PARD3B: variants seen among roughly 807,000 people sequenced by gnomAD.
The protein encoded by PARD3B is partitioning defective 3 homolog B.
In PARD3B, 103 loss-of-function variants were observed where a neutral mutation model predicts 130.2. That is an observed-to-expected ratio of 0.79 (90% CI 0.67 to 0.93). PARD3B has a LOEUF of 0.93. Among genes scored for constraint, PARD3B ranks in the 40% least tolerant of loss-of-function variants. The probability of loss-of-function intolerance (pLI) is 0.00; values close to 1 mark genes in which losing one functional copy is unlikely to be tolerated. For synonymous variants in PARD3B, 583 were observed against 553.2 expected (o/e 1.05, Z -0.76); for missense variants, 1,609 against 1,499.2 (o/e 1.07, Z -1.21).
chr2:204,754,799 A>G (rs1012400561), intron 2 of PARD3B, among the ~76,000 whole-genome samples: 1 of 152,152 alleles, frequency 6.6e-6, no homozygotes, highest in African/African-American at 2.4e-5. Flanking sequence ...TTATGAGGCC[A>G]AATAAGCTTC....
chr2:204,565,785 A>G (rs1025270311), intron 1 of PARD3B, among the ~76,000 whole-genome samples: 1 of 152,208 alleles, frequency 6.6e-6, no homozygotes, highest in African/African-American at 2.4e-5. Flanking sequence ...AAAATGGTGC[A>G]CCATAAAAAA....
intron 19 of PARD3B, among the ~76,000 whole-genome samples, chr2:205,416,090 G>A (rs2046765683): frequency 6.6e-6 from 1 of 152,034 alleles, no homozygotes; most frequent in South Asian, 2.1e-4. Context: ...TAGACTAGCT[G>A]AGGAGTAGGG....
chr2:205,246,172 C>A (rs1387863826), intron 16 of PARD3B, among the ~76,000 whole-genome samples: 1 of 151,426 alleles, frequency 6.6e-6, no homozygotes, highest in Non-Finnish European at 1.5e-5. Flanking sequence ...AGTGGCGGGA[C>A]AGAGAATTCC....
At position 205,616,643 on chromosome 2, in the gene PARD3B, T is replaced by TA. The variant is rs2055446710; in HGVS notation, c.*831dup. 1.3e-5 allele frequency: 2 copies of TA among 152,304 alleles called. No homozygotes were observed. The highest frequency in any genetic ancestry group is 3.9e-4 in the East Asian group (2 of 5,170). 9.4% of individuals were successfully genotyped at this position (152,304 alleles called of 1,614,324 possible). A position where few individuals can be genotyped will look rare whatever the true frequency, so the allele number is the denominator to read the frequency against. On this transcript the variant is annotated 3_prime_UTR_variant, in exon 23 of 23. Transcript: ENST00000406610. ...CCCTCCCACATTCCAGGCATGGAGA[T>TA]ATCTGGTTTCAGAGTCAGCCCCAAA...
intron 22 of PARD3B, among the ~76,000 whole-genome samples, chr2:205,569,805 T>C (rs2053496547): frequency 6.6e-6 from 1 of 152,160 alleles, no homozygotes; most frequent in Non-Finnish European, 1.5e-5. Flanking sequence ...GATCATCCAA[T>C]TGGGCTTTTT....
chr2:204,694,621 G>T (rs569111058), intron 2 of PARD3B, among the ~76,000 whole-genome samples: 1 of 152,004 alleles, frequency 6.6e-6, no homozygotes, highest in Non-Finnish European at 1.5e-5. Context: ...CAGTTTGTGG[G>T]CATGTTTCAA....
At chr2:204,965,885 A>G (rs1157514687) in intron 3 of PARD3B, among the ~76,000 whole-genome samples, 1 of 152,242 alleles carries the variant, frequency 6.6e-6, no homozygotes, top group Non-Finnish European at 1.5e-5. Context: ...AGTTTCAATC[A>G]GTTTACAACT....
chr2:204,948,929 A>G (rs1412312246), intron 2 of PARD3B, among the ~76,000 whole-genome samples: 2 of 152,208 alleles, frequency 1.3e-5, no homozygotes, highest in African/African-American at 4.8e-5. Context: ...TTATAGGACT[A>G]GAGACTTTAT....
At chr2:205,032,801 T>G (rs1488387956) in intron 3 of PARD3B, among the ~76,000 whole-genome samples, 1 of 152,180 alleles carries the variant, frequency 6.6e-6, no homozygotes, top group East Asian at 1.9e-4. Flanking sequence ...TTTTTTCCAG[T>G]CTTGCCAGGA....
At chr2:204,830,658 A>G (rs1000989383) in intron 2 of PARD3B, among the ~76,000 whole-genome samples, 2 of 152,218 alleles carry the variant, frequency 1.3e-5, no homozygotes, top group African/African-American at 2.4e-5. Context: ...TGTTTCCTTC[A>G]AAGGGAAAGA....
chr2:205,239,417 A>G (rs541169407), intron 15 of PARD3B, among the ~76,000 whole-genome samples: 1 of 152,326 alleles, frequency 6.6e-6, no homozygotes, highest in South Asian at 2.1e-4. Context: ...ATTTTATTCT[A>G]ACAAATATGT....
At chr2:204,935,335 C>A (rs1176178429) in intron 2 of PARD3B, among the ~76,000 whole-genome samples, 1 of 148,430 alleles carries the variant, frequency 6.7e-6, no homozygotes, top group Non-Finnish European at 1.5e-5. Context: ...CAAGACCATC[C>A]TGGCTAACAC....
At chr2:205,560,782 G>A (rs2053103488) in intron 22 of PARD3B, among the ~76,000 whole-genome samples, 1 of 152,210 alleles carries the variant, frequency 6.6e-6, no homozygotes, top group Non-Finnish European at 1.5e-5. Flanking sequence ...GCTGCGCAAT[G>A]GGAAGCAATA....
chr2:205,314,409 G>A (rs1351217919), intron 18 of PARD3B, among the ~76,000 whole-genome samples: 2 of 152,124 alleles, frequency 1.3e-5, no homozygotes, highest in East Asian at 1.9e-4. Context: ...CCACGCTTCA[G>A]TGTATACTTT....
chr2:204,912,859 A>G (rs1454734835), intron 2 of PARD3B, among the ~76,000 whole-genome samples: 1 of 152,136 alleles, frequency 6.6e-6, no homozygotes, highest in Non-Finnish European at 1.5e-5. Context: ...CCTTACATTT[A>G]TCAGGATTCT....
chr2:205,608,632 G>A (rs1337326034), intron 22 of PARD3B, among the ~76,000 whole-genome samples: 1 of 152,062 alleles, frequency 6.6e-6, no homozygotes, highest in Non-Finnish European at 1.5e-5. Flanking sequence ...CCCTCATAAA[G>A]GAAATTATTT....
At chr2:204,856,819 G>A (rs2044963114) in intron 2 of PARD3B, among the ~76,000 whole-genome samples, 1 of 152,052 alleles carries the variant, frequency 6.6e-6, no homozygotes, top group Admixed American at 6.6e-5. Context: ...TGGCACCTGT[G>A]TGTCATAATT....
chr2:205,428,876 G>A (rs1002123672), intron 19 of PARD3B, among the ~76,000 whole-genome samples: 12 of 152,024 alleles, frequency 7.9e-5, no homozygotes, highest in Admixed American at 3.9e-4. Context: ...CAGTGAGCAC[G>A]CCTAGGGCCC....
intron 5 of PARD3B, among the ~76,000 whole-genome samples, chr2:205,112,573 T>A (rs1001754734): frequency 1.4e-4 from 21 of 152,144 alleles, no homozygotes; most frequent in African/African-American, 5.1e-4. Flanking sequence ...ACAATTTCCA[T>A]AACGTGGATG....
Sources: gnomAD v4.1 joint callset for allele counts (sites outside exome capture counted in the v4.1 genomes callset) on GRCh38, gnomAD v4.1.1 for gene constraint, MANE v1.5 for transcripts, NCBI Gene and HGNC (gene_info 2026-07-23, HGNC 2026-07-21) for gene names.